The following CHAMP1 variants were observed in gnomAD, a reference collection of about 807,000 sequenced individuals.
CHAMP1 encodes the protein chromosome alignment maintaining phosphoprotein 1.
CHAMP1 carries 4 observed loss-of-function variants against 54.5 expected under a neutral mutation model. The observed-to-expected ratio is 0.07, with a 90% CI of 0.04 to 0.17. The LOEUF (loss-of-function observed/expected upper bound fraction) is 0.17. CHAMP1 is among the 10% of genes least tolerant of loss of function. The probability of loss-of-function intolerance (pLI) is 1.00; values close to 1 mark genes in which losing one functional copy is unlikely to be tolerated. For missense variants in CHAMP1, 994 were observed against 968.6 expected (o/e 1.03, Z -0.35); for synonymous variants, 368 against 342.2 (o/e 1.08, Z -0.83).
At chr13:114,316,034 C>T (rs1178013301) in intron 1 of CHAMP1, among the ~76,000 whole-genome samples, 1 of 150,964 alleles carries the variant, frequency 6.6e-6, no homozygotes, top group East Asian at 1.9e-4. Flanking sequence ...TAGGGTTTCT[C>T]CATGTTGGTC....
At position 114,326,308 on chromosome 13, in the gene CHAMP1, A is replaced by G. The variant is rs116051126; in HGVS notation, c.*27A>G. On this transcript the variant is annotated 3_prime_UTR_variant, in exon 3 of 3. Transcript: ENST00000361283. ...AACACAGTGTGAATATTTGTTCTAC[A>G]AAGGTGTTTGTTGGAACCATTCTTT... 38 of 1,536,874 alleles carry G rather than the reference A, an allele frequency of 2.5e-5. No individual in the cohort carries two copies. The African/African-American group carries it at 4.9e-4, about 20-fold the overall frequency.
chr13:114,321,349 A>G (rs2087167830), intron 2 of CHAMP1, 117 bp downstream of exon 2: 1 of 152,132 alleles, frequency 6.6e-6, no homozygotes, highest in East Asian at 1.9e-4. Flanking sequence ...TATGGATATA[A>G]TGTGTGTTGT....
chr13:114,324,952 G>C lies in CHAMP1; in HGVS notation c.1110G>C (p.Trp370Cys), dbSNP rs1284819424. The C allele has an allele frequency of 2.5e-6, 4 of 1,614,006 alleles. No individual in the cohort carries two copies. The African/African-American group carries it at 5.3e-5, about 22-fold the overall frequency. ...CTCCATCTGTGTCTTCTGCATCCTG[G>C]AAATCTTCATCAGTCTCACCCAGCT... Reference protein sequence around the residue: ...KPTPSVSSASWKSSSVSPSSW... With the variant: ...KPTPSVSSASCKSSSVSPSSW... The change falls in exon 3 of 3, where the codon TGG becomes TGC. Residue 370 changes from tryptophan (W) to cysteine (C), a missense_variant. Trp to Cys is a radical substitution (Grantham distance 215, BLOSUM62 -2). Transcript: ENST00000361283.
intron 2 of CHAMP1, among the ~76,000 whole-genome samples, chr13:114,321,773 A>C (rs2087175490): frequency 6.6e-6 from 1 of 152,138 alleles, no homozygotes; most frequent in Non-Finnish European, 1.5e-5. Flanking sequence ...GAGATTTTTC[A>C]TCAGTACGGA....
At chr13:114,323,383 T>C (rs2087196998) in intron 2 of CHAMP1, 2 of 154,228 alleles carry the variant, frequency 1.3e-5, no homozygotes, top group Admixed American at 1.3e-4. Flanking sequence ...TTAATTTTGA[T>C]ATTCACTCAT....
chr13:114,319,631 T>G (rs2087143773), intron 1 of CHAMP1, among the ~76,000 whole-genome samples: 1 of 152,144 alleles, frequency 6.6e-6, no homozygotes. Flanking sequence ...TGTGAAACAT[T>G]TATATGGAGG....
Position 114,325,790 on chromosome 13 carries a change from G to T in CHAMP1, c.1948G>T (p.Glu650Ter). 6.2e-7 allele frequency: 1 copy of T among 1,614,136 alleles called. No individual in the cohort carries two copies. The highest frequency in any genetic ancestry group is 1.1e-5 in the South Asian group (1 of 91,078). Residue 650 changes from glutamate to a stop codon, truncating the protein, a stop_gained, in exon 3 of 3, where the codon GAA (glutamate) becomes TAA (stop). Coordinates refer to ENST00000361283, the MANE Select transcript of CHAMP1 (RefSeq NM_032436.4). LOFTEE classifies it high-confidence loss of function. ...GGATGCGATGGATATTAAGGGCCAG[G>T]AATCAAGCAGTGATCAAGAGCAGGT... Reference protein sequence around the residue: ...DLDAMDIKGQESSSDQEQVDV... With the variant: ...DLDAMDIKGQ
chr13:114,325,217 T>G lies in CHAMP1; in HGVS notation c.1375T>G (p.Ser459Ala). Residue 459 changes from serine to alanine, a missense_variant, in exon 3 of 3, where the codon TCT becomes GCT. By Grantham distance (99) the Ser-to-Ala change is moderately conservative. Around this residue, in one of 3 missense-constraint regions of CHAMP1, gnomAD observed 851 missense variants for 701.3 expected, o/e 1.21. Transcript: ENST00000361283. ...GCTTTCTCCTGATCAGCGGAAAACTTCTCCTGCTTCACTTGATTTCCCTGA... is the reference window on the plus strand; with the variant it reads ...GCTTTCTCCTGATCAGCGGAAAACTGCTCCTGCTTCACTTGATTTCCCTGA... ...WKLSPDQRKT[S>A]PASLDFPESQ... 6.2e-7 allele frequency: 1 copy of G among 1,614,080 alleles called. No homozygotes were observed. Among genetic ancestry groups the G allele is most frequent in the Non-Finnish European group, 8.5e-7 (1 of 1,180,004 alleles).
Position 114,324,837 on chromosome 13 carries a change from G to A in CHAMP1, c.995G>A (p.Gly332Glu), listed in dbSNP as rs782591840. ...AAATCCAATCCTTCAGCATCATCAG[G>A]ACCTTGGAAGCCAGCTAAACCTGCT... Reference protein sequence around the residue: ...PWKSNPSASSGPWKPAKPAPS... With the variant: ...PWKSNPSASSEPWKPAKPAPS... Residue 332 changes from glycine (G) to glutamate (E), a missense_variant, in exon 3 of 3, where the codon GGA (glycine) becomes GAA (glutamate). By Grantham distance (98) the Gly-to-Glu change is moderately conservative (BLOSUM62 -2). Transcript: ENST00000361283. The A allele has an allele frequency of 3.1e-6, 5 of 1,614,100 alleles. No individual in the cohort carries two copies. The highest frequency in any genetic ancestry group is 4.2e-6 in the Non-Finnish European group (5 of 1,180,028).
rs1169707931 is a variant in CHAMP1, at chr13:114,326,767, C to G, written c.*486C>G. 1 of 166,986 alleles carries G rather than the reference C, an allele frequency of 6.0e-6. No homozygotes were observed. The allele number at this position is 166,986 out of a possible 1,614,324, so 10.3% of individuals were successfully genotyped here. A position where few individuals can be genotyped will look rare whatever the true frequency, so the allele number is the denominator to read the frequency against. ...TCTGATGTAAAATTAGTTTATAAATCTTAATCAGCTTCTAGATGTTTATTA... is the reference window on the plus strand; with the variant it reads ...TCTGATGTAAAATTAGTTTATAAATGTTAATCAGCTTCTAGATGTTTATTA... On this transcript the variant is annotated 3_prime_UTR_variant, in exon 3 of 3. Transcript: ENST00000361283.
intron 1 of CHAMP1, among the ~76,000 whole-genome samples, chr13:114,318,686 A>G (rs1427318560): frequency 6.6e-6 from 1 of 151,994 alleles, no homozygotes; most frequent in Non-Finnish European, 1.5e-5. Flanking sequence ...CTAGTTCATG[A>G]TAGAGTAGAT....
rs1393803814 is a variant in CHAMP1 at position 114,321,148 on chromosome 13, G to C, written c.-140G>C. The C allele has an allele frequency of 2.1e-5, 3 of 144,888 alleles. No individual in the cohort carries two copies. The highest frequency in any genetic ancestry group is 4.5e-5 in the Non-Finnish European group (3 of 66,846). The allele number at this position is 144,888 out of a possible 1,614,324, so 9.0% of individuals were successfully genotyped here. On this transcript the variant is annotated 5_prime_UTR_variant, in exon 2 of 3. Coordinates refer to ENST00000361283, the MANE Select transcript of CHAMP1 (RefSeq NM_032436.4). ...TCTTTGTTCTTCTTCATATACTATA[G>C]GCTGTTTGCTGTGGTTTAGTCAAAA...
At chr13:114,315,439 A>G (rs1321628658) in intron 1 of CHAMP1, among the ~76,000 whole-genome samples, 3 of 151,878 alleles carry the variant, frequency 2.0e-5, no homozygotes, top group African/African-American at 7.2e-5. Flanking sequence ...TCATCGCAGC[A>G]TTATTCAAAA....
Position 114,324,761 on chromosome 13 carries a change from G to C in CHAMP1, c.919G>C (p.Val307Leu), listed in dbSNP as rs1425647602. The change falls in exon 3 of 3, where the codon GTG (valine) becomes CTG (leucine). Residue 307 changes from valine (V) to leucine (L), a missense_variant. Physicochemically the swap from Val to Leu is conservative, Grantham distance 32. Coordinates refer to ENST00000361283, the MANE Select transcript of CHAMP1 (RefSeq NM_032436.4). ...AGAGCCTAGGAGACCAGCCCCCGCT[G>C]TGTCACCAGGCTCTTGGAAACCAGG... ...SPEPRRPAPA[V>L]SPGSWKPGPP... The C allele has an allele frequency of 1.9e-6, 3 of 1,613,872 alleles. No homozygotes were observed. Among genetic ancestry groups the C allele is most frequent in the South Asian group, 1.1e-5 (1 of 91,082 alleles).
intron 1 of CHAMP1, among the ~76,000 whole-genome samples, chr13:114,315,839 T>TG (rs2087091512): frequency 6.6e-6 from 1 of 151,404 alleles, no homozygotes; most frequent in Admixed American, 6.6e-5. Flanking sequence ...AGTTTTGTTT[T>TG]TTTTTTTTTT....
intron 1 of CHAMP1, among the ~76,000 whole-genome samples, chr13:114,316,447 G>A (rs1446895460): frequency 6.6e-6 from 1 of 151,732 alleles, no homozygotes; most frequent in Non-Finnish European, 1.5e-5. Flanking sequence ...ACAGGCGTGA[G>A]CCTGTGGTGG....
Position 114,325,634 on chromosome 13 carries a change from G to A in CHAMP1, c.1792G>A (p.Glu598Lys), listed in dbSNP as rs575538661. 23 of 1,614,186 alleles carry A rather than the reference G, an allele frequency of 1.4e-5. No homozygotes were observed. The South Asian group carries it at 2.1e-4, about 15-fold the overall frequency. Reference protein sequence around the residue: ...DDQKCDILVQEELLASPKKLL... With the variant: ...DDQKCDILVQKELLASPKKLL... ...TCAAAAATGTGATATTTTGGTTCAG[G>A]AAGAACTTCTAGCTTCACCTAAGAA... Residue 598 changes from glutamate to lysine, a missense_variant, in exon 3 of 3, where the codon GAA (glutamate) becomes AAA (lysine). By Grantham distance (56) the Glu-to-Lys change is moderately conservative. Transcript: ENST00000361283.
intron 1 of CHAMP1, among the ~76,000 whole-genome samples, chr13:114,317,940 T>C (rs2087118793): frequency 6.6e-6 from 1 of 152,196 alleles, no homozygotes; most frequent in Non-Finnish European, 1.5e-5. Flanking sequence ...CAAAAAGAAA[T>C]TTTTGTTAAT....
At chr13:114,319,828 G>C (rs2139412040) in intron 1 of CHAMP1, among the ~76,000 whole-genome samples, 1 of 152,296 alleles carries the variant, frequency 6.6e-6, no homozygotes, top group Non-Finnish European at 1.5e-5. Flanking sequence ...GACAGGGAGT[G>C]TAAAGGAGAG....
Sources: gnomAD v4.1 joint callset for allele counts (sites outside exome capture counted in the v4.1 genomes callset) on GRCh38, gnomAD v4.1.1 for gene constraint, gnomAD v4.1.1 regional missense constraint, MANE v1.5 for transcripts, NCBI Gene and HGNC (gene_info 2026-07-23, HGNC 2026-07-21) for gene names.